RSBN1: variants seen among roughly 807,000 people sequenced by gnomAD.
The protein encoded by RSBN1 is round spermatid basic protein 1.
Under a neutral mutation model 74.8 loss-of-function variants are expected in RSBN1, and 23 were observed. The ratio of observed to expected loss-of-function variants is 0.31; its 90% CI spans 0.22 to 0.44. RSBN1 has a LOEUF of 0.44. Among genes scored for constraint, RSBN1 ranks in the 20% least tolerant of loss-of-function variants. The pLI is 1.00. For missense variants in RSBN1, 808 were observed against 1,020.9 expected (o/e 0.79, Z 2.84); for synonymous variants, 407 against 379.6 (o/e 1.07, Z -0.84).
In RSBN1 at chr1:113,797,958, T is replaced by C. The variant is rs757966984; in HGVS notation, c.782A>G (p.Lys261Arg). 3.7e-6 allele frequency: 6 copies of C among 1,612,974 alleles called. No homozygotes were observed. In the Admixed American group the frequency reaches 1.0e-4, roughly 27 times the overall value. Residue 261 changes from lysine (K) to arginine (R), a missense_variant, in exon 2 of 7, where the codon AAA (lysine) becomes AGA (arginine). By Grantham distance (26) the Lys-to-Arg change is conservative (BLOSUM62 2). Around this residue, in one of 6 missense-constraint regions of RSBN1, gnomAD observed 464 missense variants for 401.0 expected, o/e 1.16. Transcript: ENST00000261441. Reference protein sequence around the residue: ...LKKIKKKKKKKHREDMRGRRL... With the variant: ...LKKIKKKKKKRHREDMRGRRL... ...TCTTCCTCGCATGTCTTCTCGGTGT[T>C]TCTTTTTCTTTTTCTTCTTTATTTT... is the stretch of plus-strand genomic sequence containing the variant.
intron 2 of RSBN1, among the ~76,000 whole-genome samples, chr1:113,779,890 G>T (rs1230299027): frequency 2.0e-5 from 3 of 152,052 alleles, no homozygotes; most frequent in Non-Finnish European, 2.9e-5. Context: ...GCACGGTGGT[G>T]CATGCCTGTA....
intron 2 of RSBN1, among the ~76,000 whole-genome samples, chr1:113,792,196 C>T (rs1660379897): frequency 6.6e-6 from 1 of 152,138 alleles, no homozygotes; most frequent in South Asian, 2.1e-4. Context: ...ATCTTCCCTA[C>T]CCCCAGCAAA....
intron 1 of RSBN1, among the ~76,000 whole-genome samples, chr1:113,804,259 A>C (rs1429667850): frequency 6.6e-6 from 1 of 152,220 alleles, no homozygotes; most frequent in Non-Finnish European, 1.5e-5. Context: ...CAAGAGAAAC[A>C]CATAAGAAAG....
intron 1 of RSBN1, among the ~76,000 whole-genome samples, chr1:113,804,614 T>C (rs2101825860): frequency 6.6e-6 from 1 of 152,328 alleles, no homozygotes; most frequent in South Asian, 2.1e-4. Flanking sequence ...GGAGTATTAC[T>C]TCAACAAATA....
chr1:113,806,109 G>C (rs985495080), intron 1 of RSBN1, among the ~76,000 whole-genome samples: 1 of 151,992 alleles, frequency 6.6e-6, no homozygotes, highest in Non-Finnish European at 1.5e-5. Context: ...CTTGTGGGAG[G>C]CACATCACCT....
chr1:113,768,925 A>T (rs866461334), intron 4 of RSBN1, among the ~76,000 whole-genome samples: 6 of 151,600 alleles, frequency 4.0e-5, no homozygotes, highest in African/African-American at 7.2e-5. Flanking sequence ...TGTGAAAAAA[A>T]AAATATATAT....
At chr1:113,789,728 T>C (rs1395864656) in intron 2 of RSBN1, among the ~76,000 whole-genome samples, 1 of 152,230 alleles carries the variant, frequency 6.6e-6, no homozygotes. Flanking sequence ...GCTTGCTTGT[T>C]GTGGGGGAGA....
intron 2 of RSBN1, among the ~76,000 whole-genome samples, chr1:113,778,920 T>G (rs2101799979): frequency 6.6e-6 from 1 of 152,322 alleles, no homozygotes. Flanking sequence ...CTATCATTAA[T>G]TCCATACAAT....
At chr1:113,802,561 T>C (rs764411583) in intron 1 of RSBN1, among the ~76,000 whole-genome samples, 22 of 152,216 alleles carry the variant, frequency 1.4e-4, no homozygotes, top group Non-Finnish European at 2.9e-4. Context: ...TGTATGTTTT[T>C]AACACTGCCT....
At chr1:113,777,181 T>C (rs1660049336) in intron 4 of RSBN1, 29 bp downstream of exon 4, 1 of 1,590,310 alleles carries the variant, frequency 6.3e-7, no homozygotes, top group East Asian at 2.2e-5. Context: ...AAAAGTAGTT[T>C]TGCTTATTTG....
chr1:113,784,869 G>A (rs868640371), intron 2 of RSBN1, among the ~76,000 whole-genome samples: 22 of 152,292 alleles, frequency 1.4e-4, no homozygotes, highest in Middle Eastern at 3.4e-3. Flanking sequence ...TGAGTGGTGA[G>A]TGAATGTGAA....
At chr1:113,790,963 G>C (rs1660352450) in intron 2 of RSBN1, among the ~76,000 whole-genome samples, 1 of 152,154 alleles carries the variant, frequency 6.6e-6, no homozygotes, top group Non-Finnish European at 1.5e-5. Context: ...TGGCAAGTTT[G>C]GGAAACTCTG....
chr1:113,795,334 C>T (rs1290758085), intron 2 of RSBN1, among the ~76,000 whole-genome samples: 1 of 152,200 alleles, frequency 6.6e-6, no homozygotes. Context: ...GATAAAATTG[C>T]TTACCTACCT....
chr1:113,767,026 T>C, intron 6 of RSBN1, 73 bp downstream of exon 6: 1 of 816,960 alleles, frequency 1.2e-6, no homozygotes, highest in Non-Finnish European at 1.9e-6. Context: ...GACTGTAAGA[T>C]AAAATTCAAA....
chr1:113,808,287 A>T (rs186488961), intron 1 of RSBN1, among the ~76,000 whole-genome samples: 2 of 152,286 alleles, frequency 1.3e-5, no homozygotes, highest in East Asian at 3.9e-4. Flanking sequence ...TCATCTCCAG[A>T]TTATTTATAC....
intron 4 of RSBN1, among the ~76,000 whole-genome samples, chr1:113,775,050 G>C (rs778435899): frequency 6.7e-6 from 1 of 148,610 alleles, no homozygotes. Context: ...TGGAGATGAA[G>C]TCTTGCTCTT....
At chr1:113,806,026 T>C (rs1660693830) in intron 1 of RSBN1, among the ~76,000 whole-genome samples, 2 of 152,176 alleles carry the variant, frequency 1.3e-5, no homozygotes, top group Admixed American at 1.3e-4. Context: ...CGCTACAAGG[T>C]CGTTCCAACT....
chr1:113,792,002 C>T (rs1219001748), intron 2 of RSBN1, among the ~76,000 whole-genome samples: 1 of 152,016 alleles, frequency 6.6e-6, no homozygotes, highest in African/African-American at 2.4e-5. Context: ...TTTTGTTTTT[C>T]TCTGGAACCG....
intron 1 of RSBN1, among the ~76,000 whole-genome samples, chr1:113,805,328 A>AT (rs998175575): frequency 1.1e-4 from 16 of 152,148 alleles, no homozygotes; most frequent in African/African-American, 3.9e-4. Flanking sequence ...CGACCTCGTG[A>AT]TTTGCCCACC....
Sources: allele counts gnomAD v4.1 joint callset (sites outside exome capture counted in the v4.1 genomes callset), GRCh38; gene constraint gnomAD v4.1.1; regional missense constraint gnomAD v4.1.1; transcripts MANE v1.5; gene names NCBI Gene and HGNC (gene_info 2026-07-23, HGNC 2026-07-21).